Variants in GRID2 observed in about 807,000 individuals in gnomAD.
The protein encoded by GRID2 is glutamate receptor ionotropic, delta-2.
A neutral mutation model predicts 114.8 loss-of-function variants in GRID2; 33 were observed. That is an observed-to-expected ratio of 0.29 (90% CI 0.22 to 0.38). The LOEUF (loss-of-function observed/expected upper bound fraction) is 0.38, where lower values mean the gene tolerates loss of function less well. Among genes scored for constraint, GRID2 ranks in the 10% least tolerant of loss-of-function variants. The pLI, the probability that GRID2 is intolerant of heterozygous loss-of-function variation, is 1.00. For missense variants in GRID2, 1,184 were observed against 1,257.7 expected (o/e 0.94, Z 0.89); for synonymous variants, 505 against 449.9 (o/e 1.12, Z -1.55).
intron 4 of GRID2, among the ~76,000 whole-genome samples, chr4:93,115,851 C>T (rs527420160): frequency 1.3e-5 from 2 of 152,216 alleles, no homozygotes; most frequent in South Asian, 4.1e-4. Context: ...ATTACCTCCC[C>T]CAGGTCCCTC....
intron 1 of GRID2, among the ~76,000 whole-genome samples, chr4:92,329,553 T>C (rs2110140752): frequency 6.6e-6 from 1 of 152,214 alleles, no homozygotes; most frequent in African/African-American, 2.4e-5. Context: ...TCATCCTGTC[T>C]ACTTTATAGA....
chr4:93,578,939 C>T (rs1206861132), intron 13 of GRID2, among the ~76,000 whole-genome samples: 1 of 152,098 alleles, frequency 6.6e-6, no homozygotes, highest in Non-Finnish European at 1.5e-5. Context: ...ATAGTTTTTC[C>T]TATAATTTTA....
intron 4 of GRID2, chr4:93,204,108 A>G (rs1742405501): frequency 6.6e-6 from 1 of 152,150 alleles, no homozygotes; most frequent in Admixed American, 6.6e-5. Context: ...TGATTATGCT[A>G]TTAATATAGT....
intron 2 of GRID2, among the ~76,000 whole-genome samples, chr4:92,976,994 G>C (rs1250502883): frequency 1.3e-5 from 2 of 152,066 alleles, no homozygotes; most frequent in Admixed American, 6.5e-5. Context: ...TATAATAGCA[G>C]ATCTGAGAGT....
chr4:92,832,255 C>G (rs1742153686), intron 2 of GRID2, among the ~76,000 whole-genome samples: 1 of 151,760 alleles, frequency 6.6e-6, no homozygotes, highest in South Asian at 2.1e-4. Flanking sequence ...GCCTGGCCAC[C>G]AAGATGAAAC....
At chr4:93,293,949 A>T (rs72874932) in intron 8 of GRID2, among the ~76,000 whole-genome samples, 4,863 of 152,316 alleles carry the variant, frequency 0.032, 282 homozygotes, top group African/African-American at 0.11. Flanking sequence ...AACACATAAC[A>T]TATCATGTAC....
chr4:92,386,244 T>A (rs1471864129), intron 1 of GRID2, among the ~76,000 whole-genome samples: 1 of 151,680 alleles, frequency 6.6e-6, no homozygotes, highest in Non-Finnish European at 1.5e-5. Context: ...TTCAGACCTA[T>A]GAGCTAGATT....
At chr4:93,032,291 A>C (rs1560812520) in intron 2 of GRID2, among the ~76,000 whole-genome samples, 1 of 152,166 alleles carries the variant, frequency 6.6e-6, no homozygotes, top group African/African-American at 2.4e-5. Context: ...GAGCTGATTT[A>C]CAGGAGTCAT....
chr4:93,162,725 A>G (rs922606851), intron 4 of GRID2, among the ~76,000 whole-genome samples: 3 of 151,944 alleles, frequency 2.0e-5, no homozygotes, highest in African/African-American at 7.2e-5. Flanking sequence ...GGAGAAGGGT[A>G]TCCTAGAAAG....
intron 4 of GRID2, among the ~76,000 whole-genome samples, chr4:93,167,685 C>T (rs571590745): frequency 6.6e-5 from 10 of 152,056 alleles, no homozygotes; most frequent in Non-Finnish European, 1.3e-4. Context: ...GATACTGATT[C>T]AAATGAGCTG....
At chr4:92,985,383 C>T (rs759619581) in intron 2 of GRID2, among the ~76,000 whole-genome samples, 5 of 151,934 alleles carry the variant, frequency 3.3e-5, no homozygotes, top group Non-Finnish European at 5.9e-5. Context: ...TACAGGCGCC[C>T]GCCACCATGC....
chr4:92,454,312 C>G (rs1444281227), intron 1 of GRID2, among the ~76,000 whole-genome samples: 1 of 152,096 alleles, frequency 6.6e-6, no homozygotes, highest in Non-Finnish European at 1.5e-5. Context: ...AAGTACTTAA[C>G]TATATGAAAA....
chr4:93,796,890 A>C (rs1159103486), intron 1 of GRID2, among the ~76,000 whole-genome samples: 3 of 152,114 alleles, frequency 2.0e-5, no homozygotes, highest in Admixed American at 2.0e-4. Context: ...TATCCAATTT[A>C]ATGTACAGTC....
rs1742749752 is a variant in GRID2, at chr4:93,626,521, T to A, written c.2360+86T>A. The A allele has an allele frequency of 3.6e-6, 3 of 841,046 alleles. No homozygotes were observed. In the East Asian group the frequency reaches 7.8e-5, roughly 22 times the overall value. 52.1% of individuals were successfully genotyped at this position (841,046 alleles called of 1,614,324 possible). A position where few individuals can be genotyped will look rare whatever the true frequency, so the allele number is the denominator to read the frequency against. On this transcript the variant is annotated intron_variant, in intron 14 of 15. Transcript: ENST00000282020. ...TGGTTACCAGATCTGGTTTATTACA[T>A]TTTGTTTCCTTTGTTAGGAGAAGCA...
intron 12 of GRID2, among the ~76,000 whole-genome samples, chr4:93,512,817 G>C (rs1578162039): frequency 6.6e-6 from 1 of 152,034 alleles, no homozygotes; most frequent in Admixed American, 6.6e-5. Context: ...TATATTTTCA[G>C]GCTGTAAAGC....
intron 7 of GRID2, 125 bp from the exon 8 acceptor site, chr4:93,238,246 T>C (rs1036635885): frequency 9.8e-6 from 6 of 611,680 alleles, no homozygotes; most frequent in African/African-American, 9.4e-5. Context: ...AGTAGTCTGT[T>C]AAAAATTGCT....
chr4:93,736,565 T>C (rs750469334), intron 14 of GRID2, among the ~76,000 whole-genome samples: 1 of 152,064 alleles, frequency 6.6e-6, no homozygotes, highest in African/African-American at 2.4e-5. Flanking sequence ...GTCAGGTTGA[T>C]GTACCTATAT....
At chr4:92,886,245 T>C (rs1277108412) in intron 2 of GRID2, among the ~76,000 whole-genome samples, 2 of 152,320 alleles carry the variant, frequency 1.3e-5, no homozygotes, top group East Asian at 3.9e-4. Context: ...ATGGTTTATA[T>C]AAGCATGGTT....
intron 14 of GRID2, among the ~76,000 whole-genome samples, chr4:93,732,868 C>G (rs1277439889): frequency 6.6e-6 from 1 of 151,428 alleles, no homozygotes; most frequent in Admixed American, 6.6e-5. Flanking sequence ...GAAAACAACA[C>G]ATCCCAAGCA....
Sources: gnomAD v4.1 joint callset for allele counts (sites outside exome capture counted in the v4.1 genomes callset) on GRCh38, gnomAD v4.1.1 for gene constraint, MANE v1.5 for transcripts, NCBI Gene and HGNC (gene_info 2026-07-23, HGNC 2026-07-21) for gene names.